The following BAALC variants were observed in gnomAD, a reference collection of about 807,000 sequenced individuals.
BAALC encodes BAALC binder of MAP3K1 and KLF4, also known as brain and acute leukemia cytoplasmic protein.
A neutral mutation model predicts 15.5 loss-of-function variants in BAALC; 9 were observed. The observed-to-expected ratio is 0.58, with a 90% CI of 0.35 to 1.02. BAALC has a LOEUF of 1.02. Ranked by LOEUF, BAALC falls within the 50% of genes least tolerant of loss-of-function variation. The pLI, the probability that BAALC is intolerant of heterozygous loss-of-function variation, is 0.02. For synonymous variants in BAALC, 80 were observed against 74.6 expected (o/e 1.07, Z -0.37); for missense variants, 201 against 192.4 (o/e 1.04, Z -0.27).
intron 2 of BAALC, among the ~76,000 whole-genome samples, chr8:103,217,009 G>A (rs1003484788): frequency 1.3e-5 from 2 of 152,202 alleles, no homozygotes; most frequent in East Asian, 1.9e-4. Context: ...GGCGGGCAGA[G>A]TCAGCCCCCG....
At chr8:103,212,673 T>C (rs951019441) in intron 1 of BAALC, among the ~76,000 whole-genome samples, 1 of 152,180 alleles carries the variant, frequency 6.6e-6, no homozygotes, top group Non-Finnish European at 1.5e-5. Flanking sequence ...GGCAGAATAT[T>C]TAATGGTATA....
intron 1 of BAALC, among the ~76,000 whole-genome samples, chr8:103,199,073 T>A (rs776135333): frequency 1.3e-5 from 2 of 152,244 alleles, no homozygotes; most frequent in African/African-American, 2.4e-5. Context: ...AATGGCTACA[T>A]TGATTATATT....
At chr8:103,215,632 C>T (rs1208408687) in intron 2 of BAALC, among the ~76,000 whole-genome samples, 1 of 152,170 alleles carries the variant, frequency 6.6e-6, no homozygotes, top group African/African-American at 2.4e-5. Context: ...GGGGTATATT[C>T]TTATGACTAT....
chr8:103,194,642 CATTTAT>C (rs1209659575), intron 1 of BAALC, among the ~76,000 whole-genome samples: 2 of 152,116 alleles, frequency 1.3e-5, no homozygotes, highest in Non-Finnish European at 2.9e-5. Flanking sequence ...GAGGGTGGGT[CATTTAT>C]AAATTAAACA....
intron 1 of BAALC, among the ~76,000 whole-genome samples, chr8:103,160,387 G>A (rs745682084): frequency 9.9e-5 from 15 of 152,238 alleles, no homozygotes; most frequent in Non-Finnish European, 1.6e-4. Flanking sequence ...ATGCCCTATG[G>A]AGAGGATGTT....
intron 1 of BAALC, among the ~76,000 whole-genome samples, chr8:103,153,810 T>G (rs1651575967): frequency 1.3e-5 from 2 of 152,208 alleles, no homozygotes; most frequent in African/African-American, 4.8e-5. Flanking sequence ...CCCAACCTGC[T>G]GCTGTCTCTA....
At chr8:103,149,573 G>A (rs768454754) in intron 1 of BAALC, among the ~76,000 whole-genome samples, 28 of 152,252 alleles carry the variant, frequency 1.8e-4, no homozygotes, top group South Asian at 1.4e-3. Context: ...CATCTTATAC[G>A]TGAAGGTGAT....
chr8:103,166,583 G>A (rs1280042064), intron 1 of BAALC, among the ~76,000 whole-genome samples: 1 of 152,108 alleles, frequency 6.6e-6, no homozygotes, highest in African/African-American at 2.4e-5. Flanking sequence ...GCATGCTGGG[G>A]AAAGAAAGAT....
At chr8:103,183,552 GAGAGCCTCTC>G (rs1811772269) in intron 1 of BAALC, 6 of 672,534 alleles carry the variant, frequency 8.9e-6, no homozygotes, top group Non-Finnish European at 1.6e-5. Flanking sequence ...TATAGCTTGG[GAGAGCCTCTC>G]AGGCCCAGGT....
chr8:103,218,036 G>A (rs1342427038), intron 2 of BAALC, among the ~76,000 whole-genome samples: 1 of 152,216 alleles, frequency 6.6e-6, no homozygotes, highest in Non-Finnish European at 1.5e-5. Flanking sequence ...AGGGGTAGCA[G>A]CTACTCTATT....
At chr8:103,149,743 G>T (rs186483290) in intron 1 of BAALC, among the ~76,000 whole-genome samples, 40 of 152,262 alleles carry the variant, frequency 2.6e-4, no homozygotes, top group African/African-American at 9.4e-4. Context: ...AAGGGGGAAA[G>T]GTCATGGAGA....
intron 1 of BAALC, among the ~76,000 whole-genome samples, chr8:103,161,279 TCTTTTTTTTTTCA>T (rs2129905759): frequency 7.1e-6 from 1 of 140,456 alleles, no homozygotes; most frequent in Non-Finnish European, 1.6e-5. Flanking sequence ...TTTTGGTTTA[TCTTTTTTTTTTCA>T]AATAAGCAAA....
At chr8:103,212,699 G>A (rs1360481763) in intron 1 of BAALC, among the ~76,000 whole-genome samples, 2 of 152,086 alleles carry the variant, frequency 1.3e-5, no homozygotes, top group African/African-American at 2.4e-5. Flanking sequence ...AAGTCATCAA[G>A]GTATCATTAA....
At chr8:103,166,552 A>G (rs1219479055) in intron 1 of BAALC, among the ~76,000 whole-genome samples, 1 of 152,168 alleles carries the variant, frequency 6.6e-6, no homozygotes, top group Non-Finnish European at 1.5e-5. Context: ...TGACACTGGC[A>G]AGGAGATTGT....
chr8:103,219,204 T>G (rs1445388971), intron 2 of BAALC, among the ~76,000 whole-genome samples: 2 of 152,234 alleles, frequency 1.3e-5, no homozygotes, highest in East Asian at 3.8e-4. Context: ...TGTAAGGGTC[T>G]GCAGTCAAAC....
chr8:103,173,999 C>A (rs1435318858), intron 1 of BAALC, among the ~76,000 whole-genome samples: 1 of 152,110 alleles, frequency 6.6e-6, no homozygotes. Context: ...GAAAGGACAC[C>A]CATTCTCACA....
intron 2 of BAALC, among the ~76,000 whole-genome samples, chr8:103,222,047 C>T (rs984458200): frequency 1.3e-5 from 2 of 152,146 alleles, no homozygotes; most frequent in Non-Finnish European, 2.9e-5. Flanking sequence ...GGGGGGCTTC[C>T]AGGCTATAGG....
intron 1 of BAALC, among the ~76,000 whole-genome samples, chr8:103,182,197 C>A (rs1198142668): frequency 1.3e-5 from 2 of 152,236 alleles, no homozygotes; most frequent in Non-Finnish European, 2.9e-5. Flanking sequence ...TGTGCAACAT[C>A]TCAACTCTAC....
intron 1 of BAALC, among the ~76,000 whole-genome samples, chr8:103,148,151 G>A (rs1035480141): frequency 5.9e-5 from 9 of 152,170 alleles, no homozygotes; most frequent in Admixed American, 4.6e-4. Flanking sequence ...AGTTCATTAG[G>A]GTGGGCCCTA....
Sources: gnomAD v4.1 joint callset for allele counts (sites outside exome capture counted in the v4.1 genomes callset) on GRCh38, gnomAD v4.1.1 for gene constraint, MANE v1.5 for transcripts, NCBI Gene and HGNC (gene_info 2026-07-23, HGNC 2026-07-21) for gene names.